Variants in CASZ1 observed in about 807,000 individuals in gnomAD.
The protein encoded by CASZ1 is castor zinc finger 1, also known as zinc finger protein castor homolog 1.
In CASZ1, 28 loss-of-function variants were observed where a neutral mutation model predicts 135.2. The ratio of observed to expected loss-of-function variants is 0.21; its 90% confidence interval spans 0.15 to 0.28. CASZ1 has a LOEUF of 0.28. CASZ1 is among the 10% of genes least tolerant of loss of function. The pLI is 1.00. For missense variants in CASZ1, 2,161 were observed against 2,453.3 expected (o/e 0.88, Z 2.52); for synonymous variants, 1,068 against 1,073.4 (o/e 0.99, Z 0.10).
At chr1:10,651,429 A>C in intron 11 of CASZ1, 1 of 172,588 alleles carries the variant, frequency 5.8e-6, no homozygotes, top group Non-Finnish European at 1.2e-5. Flanking sequence ...GACTCTGTTA[A>C]TGCTGAGGGA....
At position 10,665,307 on chromosome 1, in the gene CASZ1, C is replaced by T; in HGVS notation, c.281G>A (p.Gly94Glu). Reference sequence around the variant, plus strand: ...GGGTGCCGGCTCCTCGCTGTACTCCCCGTTCACCCACTTCTCGATCACTGC... The same window carrying T: ...GGGTGCCGGCTCCTCGCTGTACTCCTCGTTCACCCACTTCTCGATCACTGC... ...RRAVIEKWVN[G>E]EYSEEPAPTP... Residue 94 changes from glycine to glutamate, a missense_variant, in exon 5 of 21, where the codon GGG becomes GAG. Transcript: ENST00000377022. The T allele has an allele frequency of 6.2e-7, 1 of 1,612,972 alleles. No individual in the cohort carries two copies. Among genetic ancestry groups the T allele is most frequent in the Non-Finnish European group, 8.5e-7 (1 of 1,179,308 alleles).
In CASZ1 at chr1:10,669,718, C is replaced by A. The variant is rs142682718; in HGVS notation, c.17-4147G>T. 4.1e-3 allele frequency among the ~76,000 whole-genome samples: 630 copies of A among 152,268 alleles called. 4 individuals carry two copies. Among genetic ancestry groups the A allele is most frequent in the African/African-American group, 0.014 (602 of 41,554 alleles). Reference sequence around the variant, plus strand: ...AGGGGAGGAGAGGCTGCAGTGCCCACCGCCCATGGCCCTGGGTCTCAGAGT... The same window carrying A: ...AGGGGAGGAGAGGCTGCAGTGCCCAACGCCCATGGCCCTGGGTCTCAGAGT... On this transcript the variant is annotated intron_variant, in intron 4 of 20. Transcript: ENST00000377022.
Position 10,651,017 on chromosome 1 carries a change from C to T in CASZ1, c.2740G>A (p.Gly914Ser), listed in dbSNP as rs367854527. The part of the protein sequence containing the change: ...FPPAQVKPEP[G>S]ESTGAPGPHE... ...GGGCCTGGGGCGCCGGTGCTCTCAC[C>T]GGGTTCCGGCTTCACTTGGGCCGGG... The change falls in exon 12 of 21, where the codon GGT becomes AGT. Residue 914 changes from glycine (G) to serine (S), a missense_variant. Around this residue, in one of 7 missense-constraint regions of CASZ1, gnomAD observed 406 missense variants for 387.6 expected, o/e 1.05. Transcript: ENST00000377022. 70 of 1,564,388 alleles carry T rather than the reference C, an allele frequency of 4.5e-5. No homozygotes were observed. Among genetic ancestry groups the T allele is most frequent in the African/African-American group, 4.3e-4 (31 of 71,890 alleles).
intron 2 of CASZ1, among the ~76,000 whole-genome samples, chr1:10,729,566 G>C (rs1270295247): frequency 6.6e-6 from 1 of 152,224 alleles, no homozygotes; most frequent in Non-Finnish European, 1.5e-5. Context: ...GGGGGGCTTA[G>C]GGGAGCAGTT....
In CASZ1 at chr1:10,711,471, G is replaced by A. The variant is rs1159635196; in HGVS notation, c.-76-5927C>T. ...GCACAGTAGGTGGCACATAGCAAGT[G>A]CTCAATAAATATGGCCTCTTATTAG... On this transcript the variant is annotated intron_variant, in intron 2 of 20. Coordinates refer to ENST00000377022, the MANE Select transcript of CASZ1 (RefSeq NM_001079843.3). This position sits in a 1 kb window ranked among gnomAD's most constrained non-coding sequence, Gnocchi z 4.4. Among the ~76,000 whole-genome samples, 1 of 151,914 alleles carries A rather than the reference G, an allele frequency of 6.6e-6. No individual in the cohort carries two copies. The highest frequency in any genetic ancestry group is 1.9e-4 in the East Asian group (1 of 5,172).
rs6703971 is a variant in CASZ1, at chr1:10,789,368, G to A, written c.-234+7196C>T. Among the ~76,000 whole-genome samples the A allele has an allele frequency of 1.4e-4, 20 of 142,008 alleles. No individual in the cohort carries two copies. The South Asian group carries it at 4.8e-3, about 34-fold the overall frequency. The allele number at this position is 142,008 out of a possible 152,430, so 93.2% of individuals were successfully genotyped here. ...TCCCCAGGGCCTCTGCCTGCCCCCC[G>A]CACCCCCTCCTCTGCTGGCTCTTTT... On this transcript the variant is annotated intron_variant, in intron 1 of 20. Transcript: ENST00000377022.
rs1640318525 is a variant in CASZ1, at chr1:10,759,304, G to A, written c.-77+1397C>T. Among the ~76,000 whole-genome samples, 1 of 152,172 alleles carries A rather than the reference G, an allele frequency of 6.6e-6. No homozygotes were observed. The highest frequency in any genetic ancestry group is 1.5e-5 in the Non-Finnish European group (1 of 68,032). The stretch of plus-strand genomic sequence containing the variant: ...AATAGCCCGGGAAGGTGGCAGAGGT[G>A]CAGGTGCTAACGCCAAGCCCAGAAG... On this transcript the variant is annotated intron_variant, in intron 2 of 20. Transcript: ENST00000377022. This position sits in a 1 kb window ranked among gnomAD's most constrained non-coding sequence, Gnocchi z 4.2.
rs139964068 is a variant in CASZ1, at chr1:10,677,185, C to T, written c.17-11614G>A. The stretch of plus-strand genomic sequence containing the variant: ...AGGTGATGCCTCCCAAGCCTCCAGC[C>T]GCTCTGCTCAGGCTGGAAGGAACGC... On this transcript the variant is annotated intron_variant, in intron 4 of 20. Coordinates refer to ENST00000377022, the MANE Select transcript of CASZ1 (RefSeq NM_001079843.3). Among the ~76,000 whole-genome samples the T allele has an allele frequency of 1.5e-3, 222 of 152,156 alleles. 1 individual carries two copies. The highest frequency in any genetic ancestry group is 2.2e-3 in the Non-Finnish European group (152 of 67,992).
rs284287 is a variant in CASZ1 at position 10,701,841 on chromosome 1, C to T, written c.-24+3651G>A. 1.2e-3 allele frequency among the ~76,000 whole-genome samples: 177 copies of T among 152,208 alleles called. No homozygotes were observed. The highest frequency in any genetic ancestry group is 3.9e-3 in the African/African-American group (163 of 41,538). On this transcript the variant is annotated intron_variant, in intron 3 of 20. Transcript: ENST00000377022. This position sits in a 1 kb window ranked among gnomAD's most constrained non-coding sequence, Gnocchi z 6.3. The stretch of plus-strand genomic sequence containing the variant: ...GCCTCCTGCTGAACTAACAGGTGCT[C>T]GTCCAGGAGCCGACCTGAGGGAGCC...
At chr1:10,659,292 G>A (rs1245674650) in intron 6 of CASZ1, among the ~76,000 whole-genome samples, 2 of 151,876 alleles carry the variant, frequency 1.3e-5, no homozygotes, top group Admixed American at 6.5e-5. Flanking sequence ...ATGGCAGCAG[G>A]TAGAGAAAGC....
intron 5 of CASZ1, among the ~76,000 whole-genome samples, chr1:10,664,115 T>C (rs1643145941): frequency 6.6e-6 from 1 of 152,224 alleles, no homozygotes; most frequent in Non-Finnish European, 1.5e-5. Flanking sequence ...TGGCGAAGGA[T>C]AATTAAACAG....
At chr1:10,660,953 G>A in intron 5 of CASZ1, 1 of 219,326 alleles carries the variant, frequency 4.6e-6, no homozygotes, top group African/African-American at 2.3e-5. Context: ...AGGTAGGGAC[G>A]TGGGCCAGTG....
At chr1:10,715,478 A>G (rs1041857905) in intron 2 of CASZ1, among the ~76,000 whole-genome samples, 1 of 151,604 alleles carries the variant, frequency 6.6e-6, no homozygotes, top group Non-Finnish European at 1.5e-5. Context: ...CACTCCCCAC[A>G]GCACCCAATC....
intron 8 of CASZ1, among the ~76,000 whole-genome samples, chr1:10,656,220 C>T (rs1374475972): frequency 1.3e-5 from 2 of 152,224 alleles, no homozygotes; most frequent in Non-Finnish European, 2.9e-5. Context: ...TCCCCCCACT[C>T]ACCAGCCCCG....
chr1:10,693,911 C>T lies in CASZ1; in HGVS notation c.-22G>A. On this transcript the variant is annotated splice_region_variant and 5_prime_UTR_variant, in exon 4 of 21. Transcript: ENST00000377022. ...CCATTCTCTTCTCCTTGGTCCCAAACTCTTCGCAGAACGCCACCAGGGGAA... is the reference window on the plus strand; with the variant it reads ...CCATTCTCTTCTCCTTGGTCCCAAATTCTTCGCAGAACGCCACCAGGGGAA... The T allele has an allele frequency of 1.2e-6, 2 of 1,613,046 alleles. No individual in the cohort carries two copies. Among genetic ancestry groups the T allele is most frequent in the Non-Finnish European group, 1.7e-6 (2 of 1,179,470 alleles).
chr1:10,704,194 A>C (rs1570501889), intron 3 of CASZ1: 1 of 152,382 alleles, frequency 6.6e-6, no homozygotes, highest in Non-Finnish European at 1.5e-5. Flanking sequence ...ATCCTCATGG[A>C]CCATGTGAAG....
chr1:10,669,548 C>G (rs1206509201), intron 4 of CASZ1, among the ~76,000 whole-genome samples: 1 of 152,210 alleles, frequency 6.6e-6, no homozygotes, highest in Admixed American at 6.5e-5. Context: ...TAGGCGGGGG[C>G]AGGCCAGGGC....
rs901206478 is a variant in CASZ1, at chr1:10,794,069, C to T, written c.-234+2495G>A. ...CGGCTCAGCCCCCGGGGAACAACTA[C>T]CCCCCTCCCCATGCCCGGCGCAGCT... On this transcript the variant is annotated intron_variant, in intron 1 of 20. Coordinates refer to ENST00000377022, the MANE Select transcript of CASZ1 (RefSeq NM_001079843.3). The surrounding 1 kb of genome is among the most constrained non-coding windows in gnomAD (Gnocchi z 5.6). Among the ~76,000 whole-genome samples the T allele has an allele frequency of 2.6e-5, 4 of 152,150 alleles. No individual in the cohort carries two copies. The highest frequency in any genetic ancestry group is 2.1e-4 in the South Asian group (1 of 4,828).
rs149596142 is a variant in CASZ1 at position 10,680,347 on chromosome 1, C to A, written c.16+13527G>T. Among the ~76,000 whole-genome samples the A allele has an allele frequency of 3.7e-4, 57 of 152,084 alleles. No homozygotes were observed. In the East Asian group the frequency reaches 0.011, roughly 29 times the overall value. ...GTGGAGGAAGGAGCTGAACTTGGAC[C>A]CCCAGGGCCTGTCTTCTGGACACCA... On this transcript the variant is annotated intron_variant, in intron 4 of 20. Coordinates refer to ENST00000377022, the MANE Select transcript of CASZ1 (RefSeq NM_001079843.3).
Sources: allele counts gnomAD v4.1 joint callset (sites outside exome capture counted in the v4.1 genomes callset), GRCh38; gene constraint gnomAD v4.1.1; regional missense constraint gnomAD v4.1.1; non-coding constraint Gnocchi (gnomAD v3.1); transcripts MANE v1.5; gene names NCBI Gene and HGNC (gene_info 2026-07-23, HGNC 2026-07-21).